Variants in PHYKPL observed in about 807,000 individuals in gnomAD.
PHYKPL encodes the protein 5-phosphonooxy-L-lysine phospho-lyase.
PHYKPL carries 42 observed loss-of-function variants against 51.3 expected under a neutral mutation model. The ratio of observed to expected loss-of-function variants is 0.82; its 90% CI spans 0.64 to 1.06. PHYKPL has a LOEUF of 1.06. Among genes scored for constraint, PHYKPL ranks in the 50% least tolerant of loss-of-function variants. The probability of loss-of-function intolerance (pLI) is 0.00; values close to 1 mark genes in which losing one functional copy is unlikely to be tolerated. For missense variants in PHYKPL, 655 were observed against 586.6 expected, an observed-to-expected ratio of 1.12 and a Z score of -1.20; for synonymous variants, 264 against 236.0, an observed-to-expected ratio of 1.12 and a Z score of -1.09.
Position 178,224,726 on chromosome 5 carries a change from C to T in PHYKPL, c.417G>A (p.Ala139=), listed in dbSNP as rs114298500. 2.0e-4 allele frequency: 317 copies of T among 1,612,786 alleles called. 1 individual carries two copies. In the African/African-American group the frequency reaches 3.7e-3, roughly 19 times the overall value. The change falls in exon 5 of 13, where the codon GCG becomes GCA. Residue 139 remains alanine (A), a synonymous_variant. Transcript: ENST00000308158. ...TCAGGGAGCTCAGGTGGCCGTGATA[C>T]GCACTGGGGAGGAGAAGGGAGGGTA... ...GHQDVVVLDH[A]YHGHLSSLID...
chr5:178,209,303 C>A, intron 12 of PHYKPL: 1 of 1,592,318 alleles, frequency 6.3e-7, no homozygotes, highest in Non-Finnish European at 8.6e-7. Context: ...GTCCTACTGG[C>A]CTGACCACTG....
In PHYKPL at chr5:178,215,424, C is replaced by T; in HGVS notation, c.934G>A (p.Gly312Ser). 1 of 1,609,650 alleles carries T rather than the reference C, an allele frequency of 6.2e-7. No individual in the cohort carries two copies. Among genetic ancestry groups the T allele is most frequent in the South Asian group, 1.1e-5 (1 of 90,828 alleles). Residue 312 changes from glycine (G) to serine (S), a missense_variant, in exon 9 of 13, where the codon GGC becomes AGC. Transcript: ENST00000308158. ...CCCACAGCGCAGGACACTGGGCTGC[C>T]CCCAAACTGAGCCAGGGACAAAGAA... ...TGVEYFNTFG[G>S]SPVSCAVGLA...
At chr5:178,209,502 C>G (rs968547689) in intron 12 of PHYKPL, 10 of 1,477,244 alleles carry the variant, frequency 6.8e-6, no homozygotes, top group Non-Finnish European at 8.5e-6. Flanking sequence ...ATGGAGCCTT[C>G]CAAGCCTGTC....
chr5:178,217,731 G>A (rs1218312115), intron 8 of PHYKPL, among the ~76,000 whole-genome samples: 11 of 151,070 alleles, frequency 7.3e-5, no homozygotes, highest in African/African-American at 2.2e-4. Flanking sequence ...CATGGCGGGC[G>A]CCTGTAATCA....
intron 2 of PHYKPL, chr5:178,230,573 C>G (rs1763183059): frequency 6.5e-6 from 1 of 154,826 alleles, no homozygotes; most frequent in Admixed American, 6.4e-5. Flanking sequence ...GTTGCCCAGG[C>G]TGGAAGGCCT....
intron 6 of PHYKPL, 115 bp from the exon 7 acceptor site, chr5:178,223,049 C>G (rs1761521588): frequency 3.1e-6 from 3 of 968,292 alleles, no homozygotes; most frequent in South Asian, 3.0e-5. Context: ...AGTGCTGCAC[C>G]CCTACTTTGG....
At position 178,214,826 on chromosome 5, in the gene PHYKPL, G is replaced by C; in HGVS notation, c.1142C>G (p.Ala381Gly). The C allele has an allele frequency of 6.2e-7, 1 of 1,613,960 alleles. No individual in the cohort carries two copies. Among genetic ancestry groups the C allele is most frequent in the Non-Finnish European group, 8.5e-7 (1 of 1,180,016 alleles). ...LIKDEATRTPATEEAAYLVSR... is the reference protein window; with the variant it reads ...LIKDEATRTPGTEEAAYLVSR... The stretch of plus-strand genomic sequence containing the variant: ...TACCAAGTAGGCAGCCTCTTCAGTT[G>C]CTGGTGTCCTTGTGGCCTCATCTTT... Residue 381 changes from alanine (A) to glycine (G), a missense_variant, in exon 10 of 13, where the codon GCA becomes GGA. By Grantham distance (60) the Ala-to-Gly change is moderately conservative. Coordinates refer to ENST00000308158, the MANE Select transcript of PHYKPL (RefSeq NM_153373.4).
chr5:178,223,867 A>T (rs1011742487), intron 6 of PHYKPL: 1 of 206,592 alleles, frequency 4.8e-6, no homozygotes, highest in Admixed American at 5.4e-5. Context: ...GCCTCCCCAC[A>T]GCTCACTTGG....
intron 3 of PHYKPL, among the ~76,000 whole-genome samples, chr5:178,227,182 G>C (rs10053929): frequency 0.078 from 11,903 of 152,004 alleles, 513 homozygotes; most frequent in South Asian, 0.12. Flanking sequence ...CCGTCAGGGG[G>C]CCCCTCATCC....
At chr5:178,210,195 AGGGCTAC>A (rs1757775183) in intron 12 of PHYKPL, 1 of 1,613,048 alleles carries the variant, frequency 6.2e-7, no homozygotes. Context: ...GGCTACCAGC[AGGGCTAC>A]GGGCCTGGCT....
intron 12 of PHYKPL, chr5:178,211,634 C>CAA: frequency 2.3e-6 from 1 of 441,712 alleles, no homozygotes; most frequent in South Asian, 3.0e-5. Flanking sequence ...TAGGTGGTTA[C>CAA]AAGAGGCAAG....
chr5:178,209,209 A>G, intron 12 of PHYKPL: 1 of 830,988 alleles, frequency 1.2e-6, no homozygotes, highest in East Asian at 2.5e-5. Flanking sequence ...ATACTAGCAT[A>G]TTTTGTTTCT....
At chr5:178,226,041 C>T (rs2913868) in intron 3 of PHYKPL, 121,156 of 151,642 alleles carry the variant, frequency 0.8, 48,732 homozygotes, top group African/African-American at 0.89. Context: ...ACTGGAATTA[C>T]AGGCATGAGC....
At chr5:178,228,193 C>A (rs11738131) in intron 3 of PHYKPL, 22,862 of 287,600 alleles carry the variant, frequency 0.079, 1,211 homozygotes, top group Non-Finnish European at 0.1. Flanking sequence ...TGGAAGAGAT[C>A]ACCTGAGGAG....
chr5:178,215,500 CAGA>C (rs775921059), intron 8 of PHYKPL, 70 bp from the exon 9 acceptor site: 22 of 1,520,908 alleles, frequency 1.4e-5, no homozygotes, highest in Admixed American at 1.3e-4. Flanking sequence ...GAGGGTGAGG[CAGA>C]AGAACTGCCA....
At position 178,222,929 on chromosome 5, in the gene PHYKPL, T is replaced by A; in HGVS notation, c.624A>T (p.Ala208=). ...SSAQEKGRKI[A]AFFAESLPSV... ...TGGGCAGAGACTCAGCGAAGAAGGC[T>A]GCAATCTGTGAAGAGATGGACATTG... is the stretch of plus-strand genomic sequence containing the variant. Residue 208 remains alanine, a synonymous_variant, in exon 7 of 13, where the codon GCA becomes GCT. Transcript: ENST00000308158. The A allele has an allele frequency of 1.9e-6, 3 of 1,614,036 alleles. No homozygotes were observed. The highest frequency in any genetic ancestry group is 2.5e-6 in the Non-Finnish European group (3 of 1,179,978).
intron 6 of PHYKPL, chr5:178,223,542 T>C (rs1017520091): frequency 1.8e-5 from 8 of 453,958 alleles, no homozygotes; most frequent in Non-Finnish European, 3.5e-5. Flanking sequence ...GCAGGGCCAA[T>C]GGGATGGGAT....
At chr5:178,214,202 TGGGGAATGGAGATAAAAG>T (rs1378186175) in intron 10 of PHYKPL, among the ~76,000 whole-genome samples, 3 of 152,042 alleles carry the variant, frequency 2.0e-5, no homozygotes, top group Admixed American at 6.6e-5. Flanking sequence ...GGGGTAGGCC[TGGGGAATGGAGATAAAAG>T]GGAATAACAA....
At chr5:178,231,954 C>T (rs773148677) in intron 1 of PHYKPL, 15 of 1,243,398 alleles carry the variant, frequency 1.2e-5, no homozygotes, top group Non-Finnish European at 1.6e-5. Context: ...CCCTGCTGCC[C>T]CTCGCTGGGT....
Sources: allele counts gnomAD v4.1 joint callset (sites outside exome capture counted in the v4.1 genomes callset), GRCh38; gene constraint gnomAD v4.1.1; transcripts MANE v1.5; gene names NCBI Gene and HGNC (gene_info 2026-07-23, HGNC 2026-07-21).